Variants in ZNF518A observed in about 807,000 individuals in gnomAD.
ZNF518A encodes the protein zinc finger protein 518.
A neutral mutation model predicts 102.7 loss-of-function variants in ZNF518A; 47 were observed. That is an observed-to-expected ratio of 0.46 (90% CI 0.36 to 0.58). ZNF518A has a LOEUF of 0.58. ZNF518A is among the 20% of genes least tolerant of loss of function. The pLI is 0.00. For missense variants in ZNF518A, 1,793 were observed against 1,699.8 expected (o/e 1.05, Z -0.96); for synonymous variants, 652 against 594.6 (o/e 1.10, Z -1.40).
chr10:96,195,402 A>C (rs1238361921), intron 1 of ZNF518A, among the ~76,000 whole-genome samples: 2 of 152,244 alleles, frequency 1.3e-5, no homozygotes, highest in Non-Finnish European at 2.9e-5. Context: ...AAGAGGTAGA[A>C]GCAACACAAA....
chr10:96,189,971 T>A (rs2083303428), intron 1 of ZNF518A: 5 of 865,666 alleles, frequency 5.8e-6, no homozygotes, highest in Non-Finnish European at 9.8e-6. Flanking sequence ...AACTGTTGGC[T>A]GTACAGACAT....
Position 96,138,823 on chromosome 10 carries a change from G to A in ZNF518A, c.-302+5175G>A, listed in dbSNP as rs187975363. On this transcript the variant is annotated intron_variant, in intron 3 of 5. Transcript: ENST00000316045. ...TTACAGATGTAGTTCTCACCCTTAC[G>A]CAACTTATATTCCGGTGGTAGAGAC... Among the ~76,000 whole-genome samples, 4 of 151,948 alleles carry A rather than the reference G, an allele frequency of 2.6e-5. No individual in the cohort carries two copies. In the East Asian group the frequency reaches 5.8e-4, roughly 22 times the overall value.
intron 3 of ZNF518A, among the ~76,000 whole-genome samples, chr10:96,149,802 C>CT (rs879987172): frequency 6.6e-6 from 1 of 152,052 alleles, no homozygotes; most frequent in Non-Finnish European, 1.5e-5. Flanking sequence ...GTCTTTTCTG[C>CT]TTTTTTAACT....
chr10:96,166,112 C>T (rs2083138532), downstream of ZNF518A, among the ~76,000 whole-genome samples: 1 of 152,032 alleles, frequency 6.6e-6, no homozygotes, highest in Non-Finnish European at 1.5e-5. Context: ...TGGGGTATGG[C>T]GTTAGGCGTG....
At position 96,200,308 on chromosome 10, in the gene ZNF518A, C is replaced by T; in HGVS notation, n.36-3266C>T. 1 of 634,606 alleles carries T rather than the reference C, an allele frequency of 1.6e-6. No homozygotes were observed. Among genetic ancestry groups the T allele is most frequent in the South Asian group, 2.0e-5 (1 of 49,200 alleles). 39.3% of individuals were successfully genotyped at this position (634,606 alleles called of 1,614,324 possible). A position where few individuals can be genotyped will look rare whatever the true frequency, so the allele number is the denominator to read the frequency against. On this transcript the variant is annotated intron_variant and non_coding_transcript_variant, in intron 1 of 2. Coordinates refer to the ZNF518A transcript ENST00000442635. The surrounding 1 kb of genome is among the most constrained non-coding windows in gnomAD (Gnocchi z 4.3). ...AGATGAGTTTTATTTTTCCTTTGATCAAACACAAGGATTATACCGTTAACT... is the reference window on the plus strand; with the variant it reads ...AGATGAGTTTTATTTTTCCTTTGATTAAACACAAGGATTATACCGTTAACT...
At chr10:96,152,010 C>T (rs2082472188) in intron 3 of ZNF518A, among the ~76,000 whole-genome samples, 1 of 152,174 alleles carries the variant, frequency 6.6e-6, no homozygotes, top group South Asian at 2.1e-4. Context: ...TTAAATAGCA[C>T]ATTTAAAACC....
chr10:96,133,030 A>G (rs1487667214), intron 2 of ZNF518A: 1 of 152,074 alleles, frequency 6.6e-6, no homozygotes, highest in African/African-American at 2.4e-5. Context: ...TTATAGTTTT[A>G]TTTTATTTTT....
downstream of ZNF518A, among the ~76,000 whole-genome samples, chr10:96,165,466 CAA>C (rs1564798112): frequency 2.0e-4 from 10 of 50,408 alleles, no homozygotes; most frequent in African/African-American, 5.0e-4. Flanking sequence ...AAAACAACAA[CAA>C]CCAAAAAAAA....
intron 3 of ZNF518A, among the ~76,000 whole-genome samples, chr10:96,145,546 T>C (rs1377575590): frequency 6.6e-6 from 1 of 152,244 alleles, no homozygotes; most frequent in Non-Finnish European, 1.5e-5. Flanking sequence ...GTAACATAAT[T>C]CATCATTCTC....
downstream of ZNF518A, chr10:96,205,241 A>G (rs1050958105): frequency 4.5e-5 from 7 of 156,330 alleles, no homozygotes; most frequent in Non-Finnish European, 8.5e-5. Flanking sequence ...TGAAGCCCAT[A>G]GTGAACTCTA....
At chr10:96,184,295 A>G (rs782000909) in intron 1 of ZNF518A, among the ~76,000 whole-genome samples, 13 of 152,250 alleles carry the variant, frequency 8.5e-5, no homozygotes, top group Non-Finnish European at 1.5e-4. Context: ...CATTTAGCCC[A>G]TTTACATTTA....
chr10:96,179,884 A>AT (rs35286562), intron 1 of ZNF518A, among the ~76,000 whole-genome samples: 41,347 of 120,758 alleles, frequency 0.34, 7,007 homozygotes, highest in East Asian at 0.67. Context: ...TCTTTCTTTC[A>AT]TTTTTTTTTT....
Position 96,197,045 on chromosome 10 carries a change from G to A in ZNF518A, n.36-6529G>A, listed in dbSNP as rs782566012. The A allele has an allele frequency of 3.7e-6, 6 of 1,612,200 alleles. No homozygotes were observed. Among genetic ancestry groups the A allele is most frequent in the East Asian group, 2.2e-5 (1 of 44,716 alleles). On this transcript the variant is annotated intron_variant and non_coding_transcript_variant, in intron 1 of 2. Coordinates refer to the ZNF518A transcript ENST00000442635. ...TTGGAATCATGGCCAGAGCTTTTCC[G>A]AATAAGAAATGATCCATCCTGTTTA...
Position 96,157,750 on chromosome 10 carries a change from T to C in ZNF518A, c.1428T>C (p.Ala476=), listed in dbSNP as rs782052977. 1.2e-5 allele frequency: 19 copies of C among 1,613,780 alleles called. No individual in the cohort carries two copies. The highest frequency in any genetic ancestry group is 3.4e-6 in the Non-Finnish European group (4 of 1,179,794). Residue 476 remains alanine, a synonymous_variant, in exon 6 of 6, where the codon GCT becomes GCC. Coordinates refer to ENST00000316045, the MANE Select transcript of ZNF518A (RefSeq NM_001330736.2). ...NVCSPGSQSG[A]AKDGTANLQP... ...GTTCACCAGGCTCACAGTCAGGTGC[T>C]GCAAAGGACGGTACTGCTAATTTGC...
intron 3 of ZNF518A, among the ~76,000 whole-genome samples, chr10:96,142,356 TTCTA>T (rs2081979122): frequency 7.8e-6 from 1 of 127,940 alleles, no homozygotes; most frequent in Non-Finnish European, 1.7e-5. Context: ...GTGTGTGTGT[TTCTA>T]GATTCCTTTT....
rs376433882 is a variant in ZNF518A, at chr10:96,159,979, G to T, written c.3657G>T (p.Glu1219Asp). 22 of 1,613,382 alleles carry T rather than the reference G, an allele frequency of 1.4e-5. No homozygotes were observed. ...CTGCAACATGCCCAGAATCTTCTGA[G>T]GAACCAATATGTGTCAGTGACTGTT... is the stretch of plus-strand genomic sequence containing the variant. ...TSTATCPESS[E>D]EPICVSDCSE... The change falls in exon 6 of 6, where the codon GAG becomes GAT. Residue 1219 changes from glutamate (E) to aspartate (D), a missense_variant. Physicochemically the swap from Glu to Asp is conservative, Grantham distance 45 (BLOSUM62 2). Coordinates refer to ENST00000316045, the MANE Select transcript of ZNF518A (RefSeq NM_001330736.2).
Position 96,157,153 on chromosome 10 carries a change from T to A in ZNF518A, c.831T>A (p.Leu277=), listed in dbSNP as rs375273925. 1 of 1,613,522 alleles carries A rather than the reference T, an allele frequency of 6.2e-7. No homozygotes were observed. The highest frequency in any genetic ancestry group is 1.3e-5 in the African/African-American group (1 of 74,928). Residue 277 remains leucine (L), a synonymous_variant, in exon 6 of 6, where the codon CTT becomes CTA. Coordinates refer to ENST00000316045, the MANE Select transcript of ZNF518A (RefSeq NM_001330736.2). ...CSYGATRREH[L]VRHVITLHKE... ...ATGGTGCCACCAGGAGAGAACACCT[T>A]GTAAGACATGTTATAACTTTGCACA...
At chr10:96,150,698 T>G (rs1205862451) in intron 3 of ZNF518A, among the ~76,000 whole-genome samples, 4 of 149,924 alleles carry the variant, frequency 2.7e-5, no homozygotes, top group African/African-American at 9.7e-5. Context: ...TTGATTTTTT[T>G]TTAAGTTTTC....
At chr10:96,202,713 G>A (rs1233671641) in intron 1 of ZNF518A, among the ~76,000 whole-genome samples, 1 of 152,192 alleles carries the variant, frequency 6.6e-6, no homozygotes, top group Non-Finnish European at 1.5e-5. Flanking sequence ...GAGCAGCAAA[G>A]GTGAGTGAGT....
Sources: gnomAD v4.1 joint callset for allele counts (sites outside exome capture counted in the v4.1 genomes callset) on GRCh38, gnomAD v4.1.1 for gene constraint, Gnocchi (gnomAD v3.1) non-coding constraint, MANE v1.5 for transcripts, NCBI Gene and HGNC (gene_info 2026-07-23, HGNC 2026-07-21) for gene names.